Variants in PTPRN2 observed in about 807,000 individuals in gnomAD.
The protein encoded by PTPRN2 is receptor-type tyrosine-protein phosphatase N2.
A neutral mutation model predicts 118.8 loss-of-function variants in PTPRN2; 74 were observed. The ratio of observed to expected loss-of-function variants is 0.62; its 90% CI spans 0.52 to 0.76. PTPRN2 has a LOEUF of 0.76. Among genes scored for constraint, PTPRN2 ranks in the 30% least tolerant of loss-of-function variants. The probability of loss-of-function intolerance (pLI) is 0.00; values close to 1 mark genes in which losing one functional copy is unlikely to be tolerated. For missense variants in PTPRN2, 1,481 were observed against 1,394.4 expected (o/e 1.06, Z -0.99); for synonymous variants, 641 against 608.0 (o/e 1.05, Z -0.80).
intron 3 of PTPRN2, among the ~76,000 whole-genome samples, chr7:158,229,921 A>T (rs1271636865): frequency 6.6e-6 from 1 of 151,218 alleles, no homozygotes; most frequent in Non-Finnish European, 1.5e-5. Flanking sequence ...TTTGACCCAA[A>T]TAAGACTACT....
chr7:158,479,943 A>G (rs1472707037), intron 2 of PTPRN2, among the ~76,000 whole-genome samples: 1 of 152,254 alleles, frequency 6.6e-6, no homozygotes, highest in African/African-American at 2.4e-5. Flanking sequence ...CAGCAGCACC[A>G]TGCAACAACT....
At chr7:157,767,943 T>C (rs988899486) in intron 12 of PTPRN2, among the ~76,000 whole-genome samples, 1 of 152,238 alleles carries the variant, frequency 6.6e-6, no homozygotes, top group Non-Finnish European at 1.5e-5. Context: ...ATTAAGGACA[T>C]GAAGGCACAG....
intron 12 of PTPRN2, among the ~76,000 whole-genome samples, chr7:157,752,234 C>T (rs112519824): frequency 0.05 from 7,625 of 152,288 alleles, 217 homozygotes; most frequent in South Asian, 0.097. Context: ...TAAGACAGGT[C>T]GGCCATCACG....
intron 2 of PTPRN2, among the ~76,000 whole-genome samples, chr7:158,336,532 A>T (rs1805571550): frequency 7.3e-6 from 1 of 137,658 alleles, no homozygotes; most frequent in Non-Finnish European, 1.6e-5. Flanking sequence ...ATAAGAGGTG[A>T]AACCTGCCGA....
chr7:157,829,589 C>G (rs190858397), intron 12 of PTPRN2, among the ~76,000 whole-genome samples: 102 of 152,310 alleles, frequency 6.7e-4, no homozygotes, highest in African/African-American at 2.4e-3. Flanking sequence ...AAGCTGAGGA[C>G]GAGGATGTTG....
intron 11 of PTPRN2, among the ~76,000 whole-genome samples, chr7:157,918,173 G>C (rs1228571191): frequency 4.6e-5 from 7 of 152,216 alleles, no homozygotes; most frequent in Admixed American, 4.6e-4. Context: ...AATGGTAAAT[G>C]TAAAGCTGAA....
At chr7:158,502,649 C>A (rs1269158817) in intron 1 of PTPRN2, among the ~76,000 whole-genome samples, 1 of 152,260 alleles carries the variant, frequency 6.6e-6, no homozygotes, top group Non-Finnish European at 1.5e-5. Flanking sequence ...GTGGACACAC[C>A]CAAACCTGGA....
intron 12 of PTPRN2, among the ~76,000 whole-genome samples, chr7:157,897,946 C>G (rs1797226349): frequency 6.6e-6 from 1 of 152,286 alleles, no homozygotes; most frequent in South Asian, 2.1e-4. Context: ...AGTGGCCACA[C>G]GCCATTCCTC....
chr7:157,688,156 T>C (rs574316482), intron 12 of PTPRN2, among the ~76,000 whole-genome samples: 9 of 152,346 alleles, frequency 5.9e-5, no homozygotes, highest in South Asian at 2.1e-4. Context: ...ATGTAAACTT[T>C]AATGAAAATA....
chr7:158,206,656 A>C (rs1325889812), intron 3 of PTPRN2, among the ~76,000 whole-genome samples: 1 of 152,066 alleles, frequency 6.6e-6, no homozygotes, highest in African/African-American at 2.4e-5. Context: ...ATTCTTCTAG[A>C]TTGTATCCAA....
At chr7:158,363,220 G>A (rs1343460267) in intron 2 of PTPRN2, among the ~76,000 whole-genome samples, 3 of 151,896 alleles carry the variant, frequency 2.0e-5, no homozygotes, top group Admixed American at 6.5e-5. Context: ...AGAGGCTACG[G>A]GAGGACGCTC....
chr7:157,945,441 T>A (rs942479431), intron 11 of PTPRN2, among the ~76,000 whole-genome samples: 1 of 151,984 alleles, frequency 6.6e-6, no homozygotes, highest in Non-Finnish European at 1.5e-5. Context: ...AATCAATGTA[T>A]CTTTCCCCGT....
chr7:158,497,460 G>T (rs756317870), intron 1 of PTPRN2, among the ~76,000 whole-genome samples: 1 of 151,846 alleles, frequency 6.6e-6, no homozygotes, highest in Non-Finnish European at 1.5e-5. Flanking sequence ...CCTTGCCTTG[G>T]CCACACTCTC....
intron 10 of PTPRN2, among the ~76,000 whole-genome samples, chr7:158,083,516 G>A (rs564401263): frequency 4.4e-4 from 67 of 152,288 alleles, no homozygotes; most frequent in African/African-American, 1.4e-3. Context: ...TTCTCTAAAG[G>A]CTGTGAGGAG....
intron 5 of PTPRN2, among the ~76,000 whole-genome samples, chr7:158,180,975 T>C (rs1237226220): frequency 6.6e-6 from 1 of 152,216 alleles, no homozygotes; most frequent in East Asian, 1.9e-4. Context: ...TCCAGTACTA[T>C]GTTGAATAGA....
At chr7:157,606,658 C>T (rs1159759982) in intron 15 of PTPRN2, among the ~76,000 whole-genome samples, 1 of 152,266 alleles carries the variant, frequency 6.6e-6, no homozygotes, top group East Asian at 1.9e-4. Flanking sequence ...ACTCGCTGCG[C>T]ACCTCCTGTG....
intron 11 of PTPRN2, among the ~76,000 whole-genome samples, chr7:157,967,967 C>T (rs1802061741): frequency 6.6e-6 from 1 of 152,182 alleles, no homozygotes; most frequent in Non-Finnish European, 1.5e-5. Context: ...TTAGTTGGAT[C>T]ATTTGTTAGT....
chr7:157,880,449 G>A (rs1277070199), intron 12 of PTPRN2, among the ~76,000 whole-genome samples: 1 of 152,238 alleles, frequency 6.6e-6, no homozygotes, highest in Admixed American at 6.5e-5. Flanking sequence ...CCCCGTGCTA[G>A]AGGGGGCACC....
At chr7:158,410,278 C>A (rs1206918103) in intron 2 of PTPRN2, among the ~76,000 whole-genome samples, 1 of 152,204 alleles carries the variant, frequency 6.6e-6, no homozygotes, top group East Asian at 1.9e-4. Context: ...CAACCTAACA[C>A]GACACTCAGG....
Sources: allele counts gnomAD v4.1 joint callset (sites outside exome capture counted in the v4.1 genomes callset), GRCh38; gene constraint gnomAD v4.1.1; transcripts MANE v1.5; gene names NCBI Gene and HGNC (gene_info 2026-07-23, HGNC 2026-07-21).